Variants in NHSL3 observed in about 807,000 individuals in gnomAD.
The protein encoded by NHSL3 is NHS like 3.
chr1:32,774,202 T>G, the NHSL3 span: 7 of 152,586 alleles, frequency 4.6e-5, no homozygotes, highest in African/African-American at 1.7e-4. Flanking sequence ...TCCTCTTTCC[T>G]TAACAGTGAC....
the NHSL3 span, among the ~76,000 whole-genome samples, chr1:32,754,797 A>G: frequency 6.6e-6 from 1 of 152,122 alleles, no homozygotes. Context: ...ACAAAGGTGG[A>G]AGGGAGAAGC....
At chr1:32,768,589 A>T in the NHSL3 span, 36,294 of 1,590,794 alleles carry the variant, frequency 0.023, 1,174 homozygotes, top group Admixed American at 0.16. Context: ...TTGTCTCAAA[A>T]AAAAGTTCCA....
the NHSL3 span, chr1:32,770,539 C>A: frequency 3.3e-6 from 5 of 1,534,472 alleles, no homozygotes; most frequent in Non-Finnish European, 2.6e-6. The surrounding 1 kb of genome is among the most constrained non-coding windows in gnomAD (Gnocchi z 8.3). Flanking sequence ...CGTGGTACCC[C>A]CTCCCCAGGG....
At chr1:32,772,379 CGGAGAATGGAGGTGTCCTGCAGCTGGT>C in the NHSL3 span, 2 of 1,575,376 alleles carry the variant, frequency 1.3e-6, no homozygotes, top group South Asian at 1.2e-5. Context: ...AGGGAGCTGG[CGGAGAATGGAGGTGTCCTGCAGCTGGT>C]GGGCCCAGAG....
chr1:32,772,289 C>CCAA, the NHSL3 span: 1 of 1,592,588 alleles, frequency 6.3e-7, no homozygotes, highest in Middle Eastern at 1.7e-4. Flanking sequence ...CCCCCACCCG[C>CCAA]CTCCCCCAGT....
At chr1:32,771,955 C>T in the NHSL3 span, 2 of 1,605,260 alleles carry the variant, frequency 1.2e-6, no homozygotes, top group South Asian at 1.1e-5. Flanking sequence ...AGTGCCTGCC[C>T]CCTCCTCAGG....
At chr1:32,773,265 A>G in the NHSL3 span, 7 of 264,366 alleles carry the variant, frequency 2.6e-5, no homozygotes, top group Admixed American at 1.8e-4. Context: ...TGCACATACT[A>G]TAGTCCAGAA....
At chr1:32,769,730 G>C in the NHSL3 span, 2 of 1,613,822 alleles carry the variant, frequency 1.2e-6, no homozygotes, top group African/African-American at 2.7e-5. Flanking sequence ...GGGCGGCGTC[G>C]GCGGGAGCGG....
At chr1:32,756,039 G>T in the NHSL3 span, among the ~76,000 whole-genome samples, 1 of 152,202 alleles carries the variant, frequency 6.6e-6, no homozygotes, top group Non-Finnish European at 1.5e-5. Context: ...TGAGGAAGTG[G>T]CCTGGGGCTT....
the NHSL3 span, among the ~76,000 whole-genome samples, chr1:32,766,774 G>C: frequency 5.3e-5 from 8 of 152,144 alleles, no homozygotes; most frequent in South Asian, 2.1e-4. Flanking sequence ...TCATTTAAAG[G>C]GGGGGCTGGG....
At chr1:32,770,474 TCTC>T in the NHSL3 span, 1 of 1,593,402 alleles carries the variant, frequency 6.3e-7, no homozygotes, top group East Asian at 2.2e-5. This position sits in a 1 kb window ranked among gnomAD's most constrained non-coding sequence, Gnocchi z 8.3. Context: ...GGTTCCACCC[TCTC>T]CTCTAAGGGT....
chr1:32,770,455 G>A, the NHSL3 span: 2 of 1,603,328 alleles, frequency 1.2e-6, no homozygotes, highest in Non-Finnish European at 8.5e-7. The surrounding 1 kb of genome is among the most constrained non-coding windows in gnomAD (Gnocchi z 8.3). Flanking sequence ...CGACACCATT[G>A]TGTCTGACGG....
the NHSL3 span, chr1:32,768,714 G>C: frequency 9.9e-6 from 16 of 1,614,150 alleles, no homozygotes; most frequent in Non-Finnish European, 1.2e-5. Flanking sequence ...CATCCTACGT[G>C]GCTGAGAGCT....
chr1:32,754,030 G>T, the NHSL3 span: 1 of 558,316 alleles, frequency 1.8e-6, no homozygotes, highest in Non-Finnish European at 3.2e-6. Flanking sequence ...GGGGCTGCGG[G>T]CCCGGCGGCC....
At chr1:32,761,297 G>A in the NHSL3 span, among the ~76,000 whole-genome samples, 4 of 152,154 alleles carry the variant, frequency 2.6e-5, no homozygotes, top group African/African-American at 4.8e-5. Flanking sequence ...CTCCCCAAGC[G>A]AGCCACAGGT....
chr1:32,769,245 CT>C, the NHSL3 span, among the ~76,000 whole-genome samples: 2 of 150,272 alleles, frequency 1.3e-5, no homozygotes. Flanking sequence ...CAGTGTGAGA[CT>C]CCATCTCAAA....
the NHSL3 span, chr1:32,768,752 G>A: frequency 3.7e-5 from 60 of 1,613,868 alleles, no homozygotes; most frequent in East Asian, 1.0e-3. Flanking sequence ...CTCTCCATCC[G>A]CTCGGAGATG....
At chr1:32,766,845 CG>C in the NHSL3 span, among the ~76,000 whole-genome samples, 1 of 152,134 alleles carries the variant, frequency 6.6e-6, no homozygotes, top group East Asian at 1.9e-4. Context: ...CCTCCACAGG[CG>C]GGGCTTGTAA....
chr1:32,772,439 C>G, the NHSL3 span: 1 of 1,520,840 alleles, frequency 6.6e-7, no homozygotes, highest in Admixed American at 2.2e-5. Flanking sequence ...CTCCCGGGCT[C>G]AGGTACAGTG....
Sources: gnomAD v4.1 joint callset for allele counts (sites outside exome capture counted in the v4.1 genomes callset) on GRCh38, gnomAD v4.1.1 for gene constraint, Gnocchi (gnomAD v3.1) non-coding constraint, MANE v1.5 for transcripts, NCBI Gene and HGNC (gene_info 2026-07-23, HGNC 2026-07-21) for gene names.